The following ASIC2 variants were observed in gnomAD, a reference collection of about 807,000 sequenced individuals.
ASIC2 encodes acid-sensing ion channel 2.
A neutral mutation model predicts 57.3 loss-of-function variants in ASIC2; 25 were observed. That is an observed-to-expected ratio of 0.44 (90% CI 0.32 to 0.61). The LOEUF (loss-of-function observed/expected upper bound fraction) is 0.61, where lower values mean the gene tolerates loss of function less well. Ranked by LOEUF, ASIC2 falls within the 20% of genes least tolerant of loss-of-function variation. ASIC2 has a pLI of 0.06. For missense variants in ASIC2, 641 were observed against 738.1 expected, an observed-to-expected ratio of 0.87 and a Z score of 1.52; for synonymous variants, 319 against 307.5, an observed-to-expected ratio of 1.04 and a Z score of -0.39.
chr17:33,738,433 AT>A (rs1427014054), intron 1 of ASIC2, among the ~76,000 whole-genome samples: 11 of 152,114 alleles, frequency 7.2e-5, no homozygotes, highest in African/African-American at 2.7e-4. Context: ...CCAGAACCTA[AT>A]TTGTTCACCA....
chr17:33,484,138 C>T (rs1913503244), intron 1 of ASIC2, among the ~76,000 whole-genome samples: 1 of 152,236 alleles, frequency 6.6e-6, no homozygotes, highest in Admixed American at 6.5e-5. Flanking sequence ...TGATTTCAGA[C>T]TTCTGACCTC....
intron 1 of ASIC2, among the ~76,000 whole-genome samples, chr17:33,937,140 C>T (rs1916083731): frequency 6.6e-6 from 1 of 152,202 alleles, no homozygotes; most frequent in Admixed American, 6.5e-5. Context: ...CTCACTCTGT[C>T]ACCCAGGCTG....
At chr17:33,294,996 G>A (rs1484517338), upstream of ASIC2, among the ~76,000 whole-genome samples, 2 of 152,334 alleles carry the variant, frequency 1.3e-5, no homozygotes, top group South Asian at 2.1e-4. Flanking sequence ...AAGGTGGGGT[G>A]ACCTAGTGAC....
intron 1 of ASIC2, among the ~76,000 whole-genome samples, chr17:33,892,426 C>T (rs913721276): frequency 6.6e-6 from 1 of 152,144 alleles, no homozygotes; most frequent in Non-Finnish European, 1.5e-5. Flanking sequence ...AGACAGCATG[C>T]TGTGTTGGAA....
intron 1 of ASIC2, among the ~76,000 whole-genome samples, chr17:34,142,375 T>C (rs1286539313): frequency 6.6e-6 from 1 of 152,036 alleles, no homozygotes; most frequent in Non-Finnish European, 1.5e-5. Flanking sequence ...CAGAAATACA[T>C]ATAGTGCTGG....
intron 3 of ASIC2, among the ~76,000 whole-genome samples, chr17:33,087,364 G>T (rs2092138318): frequency 6.6e-6 from 1 of 151,900 alleles, no homozygotes; most frequent in South Asian, 2.1e-4. Flanking sequence ...CAGTTTCTGG[G>T]ATCCCATAGA....
intron 1 of ASIC2, among the ~76,000 whole-genome samples, chr17:33,221,681 T>A (rs1037539512): frequency 1.3e-5 from 2 of 152,268 alleles, no homozygotes; most frequent in Admixed American, 1.3e-4. Flanking sequence ...CTAATTGGGC[T>A]TTTTATAGAC....
intron 1 of ASIC2, among the ~76,000 whole-genome samples, chr17:33,133,100 C>T (rs1011398206): frequency 1.3e-5 from 2 of 152,284 alleles, no homozygotes; most frequent in African/African-American, 2.4e-5. Context: ...CAGTTAAACA[C>T]GGGGAGAGAC....
chr17:33,813,848 C>T (rs937613211), intron 1 of ASIC2, among the ~76,000 whole-genome samples: 1 of 152,150 alleles, frequency 6.6e-6, no homozygotes, highest in Non-Finnish European at 1.5e-5. Context: ...TAGTTGCTGC[C>T]TGGGAACAGG....
intron 1 of ASIC2, among the ~76,000 whole-genome samples, chr17:33,978,254 C>T (rs963092284): frequency 1.3e-5 from 2 of 152,162 alleles, no homozygotes; most frequent in Admixed American, 1.3e-4. Flanking sequence ...AAGTTTTTGT[C>T]CCAATGTTTC....
chr17:33,750,004 C>A (rs1345767781), intron 1 of ASIC2, among the ~76,000 whole-genome samples: 1 of 152,166 alleles, frequency 6.6e-6, no homozygotes, highest in African/African-American at 2.4e-5. Flanking sequence ...GGACCAGCCT[C>A]CCTCTTTGAT....
At chr17:33,415,810 G>A (rs1910823637) in intron 1 of ASIC2, among the ~76,000 whole-genome samples, 1 of 152,238 alleles carries the variant, frequency 6.6e-6, no homozygotes, top group Non-Finnish European at 1.5e-5. Flanking sequence ...CCATGATGCT[G>A]AGATGCTGCA....
At chr17:33,659,237 G>A (rs1250146179) in intron 1 of ASIC2, among the ~76,000 whole-genome samples, 5 of 152,032 alleles carry the variant, frequency 3.3e-5, no homozygotes, top group East Asian at 1.9e-4. Context: ...ATTACATTAC[G>A]GTTGCTTTGC....
chr17:33,948,693 A>T (rs1338570143), intron 1 of ASIC2, among the ~76,000 whole-genome samples: 5 of 152,188 alleles, frequency 3.3e-5, no homozygotes, highest in Admixed American at 1.3e-4. Context: ...TCGGCAAATG[A>T]CTTTTCCTCT....
At chr17:33,471,876 A>G (rs1364915622) in intron 1 of ASIC2, among the ~76,000 whole-genome samples, 1 of 152,146 alleles carries the variant, frequency 6.6e-6, no homozygotes, top group Non-Finnish European at 1.5e-5. Context: ...ATCTAATTTA[A>G]TGAAACACTC....
intron 1 of ASIC2, among the ~76,000 whole-genome samples, chr17:33,753,193 G>A (rs181823495): frequency 1.3e-5 from 2 of 152,266 alleles, no homozygotes; most frequent in Non-Finnish European, 2.9e-5. Context: ...CTAAGTGAAA[G>A]AAATCCATCT....
At chr17:33,536,866 G>A (rs1378890255) in intron 1 of ASIC2, among the ~76,000 whole-genome samples, 1 of 152,074 alleles carries the variant, frequency 6.6e-6, no homozygotes, top group Non-Finnish European at 1.5e-5. Context: ...AGGTGTGGTA[G>A]CACTCACCTG....
chr17:33,848,754 CAGGGGCTGACGGTGTTACTGGACA>C (rs1567733626), intron 1 of ASIC2, among the ~76,000 whole-genome samples: 1 of 152,114 alleles, frequency 6.6e-6, no homozygotes, highest in African/African-American at 2.4e-5. Context: ...GGCTTCACTC[CAGGGGCTGACGGTGTTACTGGACA>C]AGGCCCTCAA....
At chr17:33,045,264 C>T (rs547436310) in intron 3 of ASIC2, among the ~76,000 whole-genome samples, 21 of 152,318 alleles carry the variant, frequency 1.4e-4, no homozygotes, top group African/African-American at 5.1e-4. Context: ...CTCCCTTCCT[C>T]TCCCCAACAT....
Sources: allele counts gnomAD v4.1 joint callset (sites outside exome capture counted in the v4.1 genomes callset), GRCh38; gene constraint gnomAD v4.1.1; transcripts MANE v1.5; gene names NCBI Gene and HGNC (gene_info 2026-07-23, HGNC 2026-07-21).